NUFIP2: variants seen among roughly 807,000 people sequenced by gnomAD.
The protein encoded by NUFIP2 is nuclear FMR1 interacting protein 2, also known as FMR1-interacting protein NUFIP2.
A neutral mutation model predicts 56.9 loss-of-function variants in NUFIP2; 6 were observed. The ratio of observed to expected loss-of-function variants is 0.11; its 90% CI spans 0.06 to 0.21. The LOEUF is 0.21. Among genes scored for constraint, NUFIP2 ranks in the 10% least tolerant of loss-of-function variants. The pLI is 1.00. For synonymous variants in NUFIP2, 321 were observed against 298.2 expected (o/e 1.08, Z -0.79); for missense variants, 828 against 826.8 (o/e 1.00, Z -0.02).
rs1330777269 is a variant in NUFIP2, at chr17:29,262,883, T to C, written c.*1656A>G. On this transcript the variant is annotated 3_prime_UTR_variant, in exon 4 of 4. Transcript: ENST00000225388. Reference sequence around the variant, plus strand: ...TCTATGTTGAGTCCAACAGCTTCTTTCATGAACTACTTGTTTTAAAAGCCT... The same window carrying C: ...TCTATGTTGAGTCCAACAGCTTCTTCCATGAACTACTTGTTTTAAAAGCCT... 2 of 152,428 alleles carry C rather than the reference T, an allele frequency of 1.3e-5. No individual in the cohort carries two copies. Among genetic ancestry groups the C allele is most frequent in the Non-Finnish European group, 2.9e-5 (2 of 68,000 alleles). The allele number at this position is 152,428 out of a possible 1,614,324, so 9.4% of individuals were successfully genotyped here.
chr17:29,268,573 A>C (rs1018569252), intron 2 of NUFIP2, among the ~76,000 whole-genome samples: 11 of 152,098 alleles, frequency 7.2e-5, no homozygotes, highest in African/African-American at 2.7e-4. Flanking sequence ...GCTGGAGCGC[A>C]ATGGCACGAT....
Position 29,256,395 on chromosome 17 carries a change from A to G in NUFIP2, c.*8144T>C, listed in dbSNP as rs1423643619. Reference sequence around the variant, plus strand: ...TACACTCCTGCATTTCTGCCTTTTAAGGCCATGCAATTAATATGGGTCACC... The same window carrying G: ...TACACTCCTGCATTTCTGCCTTTTAGGGCCATGCAATTAATATGGGTCACC... On this transcript the variant is annotated 3_prime_UTR_variant, in exon 4 of 4. Coordinates refer to ENST00000225388, the MANE Select transcript of NUFIP2 (RefSeq NM_020772.3). The G allele has an allele frequency of 6.6e-6, 1 of 152,194 alleles. No homozygotes were observed. 9.4% of individuals were successfully genotyped at this position (152,194 alleles called of 1,614,324 possible). A position where few individuals can be genotyped will look rare whatever the true frequency, so the allele number is the denominator to read the frequency against.
At position 29,286,537 on chromosome 17, in the gene NUFIP2, G is replaced by A; in HGVS notation, c.1457C>T (p.Ala486Val). ...SNMQTMLLST[A>V]QVDLPSQTDQ... ...TGTCTGAGAGGGCAGATCCACTTGT[G>A]CTGTGCTCAACAGCATAGTTTGCAT... The change falls in exon 2 of 4, where the codon GCA (alanine) becomes GTA (valine). Residue 486 changes from alanine (A) to valine (V), a missense_variant. This residue lies in a region of NUFIP2 where 404 missense variants were observed against 380.3 expected (regional missense o/e 1.06). Transcript: ENST00000225388. 6.2e-7 allele frequency: 1 copy of A among 1,614,188 alleles called. No homozygotes were observed. Among genetic ancestry groups the A allele is most frequent in the Non-Finnish European group, 8.5e-7 (1 of 1,180,042 alleles).
At chr17:29,275,145 C>A (rs909003847) in intron 2 of NUFIP2, among the ~76,000 whole-genome samples, 8 of 152,032 alleles carry the variant, frequency 5.3e-5, no homozygotes, top group Non-Finnish European at 8.8e-5. Context: ...CAGCCCCCCC[C>A]AAGCAGCTGG....
At position 29,258,186 on chromosome 17, in the gene NUFIP2, T is replaced by C. The variant is rs372870738; in HGVS notation, c.*6353A>G. 2 of 152,126 alleles carry C rather than the reference T, an allele frequency of 1.3e-5. No homozygotes were observed. Among genetic ancestry groups the C allele is most frequent in the East Asian group, 3.8e-4 (2 of 5,202 alleles). The allele number at this position is 152,126 out of a possible 1,614,324, so 9.4% of individuals were successfully genotyped here. A position where few individuals can be genotyped will look rare whatever the true frequency, so the allele number is the denominator to read the frequency against. On this transcript the variant is annotated 3_prime_UTR_variant, in exon 4 of 4. Coordinates refer to ENST00000225388, the MANE Select transcript of NUFIP2 (RefSeq NM_020772.3). ...TTGCGATATTGGCAACATCAAAATA[T>C]AACCAGATAGCTTTGGCCCACACAT...
At chr17:29,270,999 T>C (rs2069068845) in intron 2 of NUFIP2, among the ~76,000 whole-genome samples, 2 of 152,244 alleles carry the variant, frequency 1.3e-5, no homozygotes, top group East Asian at 3.9e-4. Flanking sequence ...CAAACATACA[T>C]ATTTTAGAAT....
Position 29,258,115 on chromosome 17 carries a change from T to C in NUFIP2, c.*6424A>G, listed in dbSNP as rs1360151254. On this transcript the variant is annotated 3_prime_UTR_variant, in exon 4 of 4. Coordinates refer to ENST00000225388, the MANE Select transcript of NUFIP2 (RefSeq NM_020772.3). ...CAAGGCACATTGATATAAAAATAGA[T>C]CTCTGGCCAACAAATATATTAAATA... The C allele has an allele frequency of 2.0e-5, 3 of 152,088 alleles. No homozygotes were observed. The highest frequency in any genetic ancestry group is 4.4e-5 in the Non-Finnish European group (3 of 67,988). The allele number at this position is 152,088 out of a possible 1,614,324, so 9.4% of individuals were successfully genotyped here.
At chr17:29,284,791 G>C (rs2069162266) in intron 2 of NUFIP2, among the ~76,000 whole-genome samples, 1 of 151,240 alleles carries the variant, frequency 6.6e-6, no homozygotes, top group Admixed American at 6.6e-5. Context: ...CTTTAAACTT[G>C]GGCTTTAGGG....
chr17:29,292,207 A>C (rs1328405557), intron 1 of NUFIP2, among the ~76,000 whole-genome samples: 1 of 152,142 alleles, frequency 6.6e-6, no homozygotes, highest in African/African-American at 2.4e-5. Flanking sequence ...CACGGAGAGA[A>C]GCCTCATCCG....
intron 1 of NUFIP2, among the ~76,000 whole-genome samples, chr17:29,288,945 A>C (rs2069194375): frequency 6.6e-6 from 1 of 152,180 alleles, no homozygotes; most frequent in Non-Finnish European, 1.5e-5. Context: ...GGAGTTCAAG[A>C]CCAGCCTGGG....
chr17:29,278,470 T>C (rs1207737051), intron 2 of NUFIP2, among the ~76,000 whole-genome samples: 3 of 151,906 alleles, frequency 2.0e-5, no homozygotes, highest in Admixed American at 6.6e-5. Context: ...ATGGTCTCGA[T>C]CTCCTGACCT....
At chr17:29,285,952 T>C in intron 2 of NUFIP2, 40 bp downstream of exon 2, 1 of 1,449,990 alleles carries the variant, frequency 6.9e-7, no homozygotes, top group South Asian at 1.3e-5. Flanking sequence ...TATACTAAAT[T>C]GGCCAATAAA....
rs1169059481 is a variant in NUFIP2, at chr17:29,263,797, ACCGAAGCCAAGTTAACTATGTAC to A, written c.*719_*741del. On this transcript the variant is annotated 3_prime_UTR_variant, in exon 4 of 4. Transcript: ENST00000225388. ...TTCAGTTGTTAAAGTCCAATATGTA[ACCGAAGCCAAGTTAACTATGTAC>A]CATCAACTAACTATTCCAGAATTGT... is the stretch of plus-strand genomic sequence containing the variant. The A allele has an allele frequency of 1.3e-5, 2 of 152,738 alleles. No homozygotes were observed. The highest frequency in any genetic ancestry group is 4.1e-4 in the South Asian group (2 of 4,824). 9.5% of individuals were successfully genotyped at this position (152,738 alleles called of 1,614,324 possible). A position where few individuals can be genotyped will look rare whatever the true frequency, so the allele number is the denominator to read the frequency against.
rs559906624 is a variant in NUFIP2, at chr17:29,270,664, A to G, written c.2003-3134T>C. On this transcript the variant is annotated intron_variant, in intron 2 of 3. Coordinates refer to ENST00000225388, the MANE Select transcript of NUFIP2 (RefSeq NM_020772.3). ...TTCATTTTGTCTACTGCAAAGATAA[A>G]TCTATATTTAGTCATACGCTGAAAA... Among the ~76,000 whole-genome samples, 18 of 152,276 alleles carry G rather than the reference A, an allele frequency of 1.2e-4. 1 individual carries two copies. Among genetic ancestry groups the G allele is most frequent in the Admixed American group, 4.6e-4 (7 of 15,298 alleles).
In NUFIP2 at chr17:29,263,179, A is replaced by G. The variant is rs1296615179; in HGVS notation, c.*1360T>C. 6.6e-6 allele frequency: 1 copy of G among 152,532 alleles called. No homozygotes were observed. Among genetic ancestry groups the G allele is most frequent in the African/African-American group, 2.4e-5 (1 of 41,440 alleles). 9.4% of individuals were successfully genotyped at this position (152,532 alleles called of 1,614,324 possible). On this transcript the variant is annotated 3_prime_UTR_variant, in exon 4 of 4. Transcript: ENST00000225388. ...ATGTTACTAACATCACCCAATCTCAATTGGACCCTTAATTTCTGCACACAC... is the reference window on the plus strand; with the variant it reads ...ATGTTACTAACATCACCCAATCTCAGTTGGACCCTTAATTTCTGCACACAC...
At position 29,260,996 on chromosome 17, in the gene NUFIP2, A is replaced by C. The variant is rs2068999278; in HGVS notation, c.*3543T>G. On this transcript the variant is annotated 3_prime_UTR_variant, in exon 4 of 4. Transcript: ENST00000225388. ...CACTTTATGTGAAGGTTCATTACTAAGGAGGTTAGAAGAAAGGCTATGTAA... is the reference window on the plus strand; with the variant it reads ...CACTTTATGTGAAGGTTCATTACTACGGAGGTTAGAAGAAAGGCTATGTAA... 1 of 152,206 alleles carries C rather than the reference A, an allele frequency of 6.6e-6. No homozygotes were observed. Among genetic ancestry groups the C allele is most frequent in the South Asian group, 2.1e-4 (1 of 4,834 alleles). The allele number at this position is 152,206 out of a possible 1,614,324, so 9.4% of individuals were successfully genotyped here. A position where few individuals can be genotyped will look rare whatever the true frequency, so the allele number is the denominator to read the frequency against.
At position 29,293,858 on chromosome 17, in the gene NUFIP2, C is replaced by T. The variant is rs546288939; in HGVS notation, c.202G>A (p.Ala68Thr). 4.3e-6 allele frequency: 7 copies of T among 1,611,928 alleles called. No homozygotes were observed. Among genetic ancestry groups the T allele is most frequent in the Non-Finnish European group, 1.7e-6 (2 of 1,178,844 alleles). ...LQHGAEGSPK[A>T]QPKPLKHEQK... ...TCATGTTTCAGCGGCTTTGGCTGGG[C>T]CTTGGGGCTGCCCTCGGCTCCATGC... The change falls in exon 1 of 4, where the codon GCC becomes ACC. Residue 68 changes from alanine (A) to threonine (T), a missense_variant. By Grantham distance (58) the Ala-to-Thr change is moderately conservative. Around this residue, in one of 3 missense-constraint regions of NUFIP2, gnomAD observed 415 missense variants for 408.7 expected, o/e 1.02. Transcript: ENST00000225388.
Position 29,293,915 on chromosome 17 carries a change from G to A in NUFIP2, c.145C>T (p.His49Tyr), listed in dbSNP as rs756259199. 1 of 1,605,730 alleles carries A rather than the reference G, an allele frequency of 6.2e-7. No homozygotes were observed. The change falls in exon 1 of 4, where the codon CAT (histidine) becomes TAT (tyrosine). Residue 49 changes from histidine (H) to tyrosine (Y), a missense_variant. By Grantham distance (83) the His-to-Tyr change is moderately conservative (BLOSUM62 2). Around this residue, in one of 3 missense-constraint regions of NUFIP2, gnomAD observed 415 missense variants for 408.7 expected, o/e 1.02. Transcript: ENST00000225388. ...TATTGGTGAGGCTGCTGGTGATGAT[G>A]GTGGTGGTGGTGGTTGTGGCTGTGG... ...YNHSHNHHHH[H>Y]HHQQPHQYLQ...
In NUFIP2 at chr17:29,259,690, A is replaced by G. The variant is rs1050343617; in HGVS notation, c.*4849T>C. 6.6e-6 allele frequency: 1 copy of G among 152,060 alleles called. No individual in the cohort carries two copies. The highest frequency in any genetic ancestry group is 1.5e-5 in the Non-Finnish European group (1 of 68,042). The allele number at this position is 152,060 out of a possible 1,614,324, so 9.4% of individuals were successfully genotyped here. ...GGAAGTCTGAATCAGCAATCCCATC[A>G]CATATGAGGACGGCCATTCCATAGT... On this transcript the variant is annotated 3_prime_UTR_variant, in exon 4 of 4. Transcript: ENST00000225388.
Sources: gnomAD v4.1 joint callset for allele counts (sites outside exome capture counted in the v4.1 genomes callset) on GRCh38, gnomAD v4.1.1 for gene constraint, gnomAD v4.1.1 regional missense constraint, MANE v1.5 for transcripts, NCBI Gene and HGNC (gene_info 2026-07-23, HGNC 2026-07-21) for gene names.